Variants in ZC3H7B observed in about 807,000 individuals in gnomAD.
ZC3H7B encodes the protein zinc finger CCCH-type containing 7B.
Under a neutral mutation model 116.0 loss-of-function variants are expected in ZC3H7B, and 35 were observed. The observed-to-expected ratio is 0.30, with a 90% CI of 0.23 to 0.40. The LOEUF (loss-of-function observed/expected upper bound fraction) is 0.40, where lower values mean the gene tolerates loss of function less well. ZC3H7B is among the 10% of genes least tolerant of loss of function. ZC3H7B has a pLI of 1.00. For missense variants in ZC3H7B, 1,011 were observed against 1,321.5 expected (o/e 0.77, Z 3.64); for synonymous variants, 502 against 545.6 (o/e 0.92, Z 1.11).
Position 41,327,449 on chromosome 22 carries a change from C to A in ZC3H7B, c.444+85C>A. The A allele has an allele frequency of 6.5e-7, 1 of 1,530,302 alleles. No individual in the cohort carries two copies. Among genetic ancestry groups the A allele is most frequent in the South Asian group, 1.2e-5 (1 of 83,760 alleles). 94.8% of individuals were successfully genotyped at this position (1,530,302 alleles called of 1,614,324 possible). ...GGCCCTCACTTGGGCCCAGCCACCA[C>A]ATCCTTCTGTGTCTCACTTCCTCCC... is the stretch of plus-strand genomic sequence containing the variant. On this transcript the variant is annotated intron_variant, in intron 5 of 22. Coordinates refer to ENST00000352645, the MANE Select transcript of ZC3H7B (RefSeq NM_017590.6). This position sits in a 1 kb window ranked among gnomAD's most constrained non-coding sequence, Gnocchi z 4.5.
chr22:41,303,061 G>A (rs2035993578), intron 1 of ZC3H7B, among the ~76,000 whole-genome samples: 2 of 152,204 alleles, frequency 1.3e-5, no homozygotes, highest in South Asian at 4.1e-4. Context: ...ACAAAATGCT[G>A]GCAGAATCTT....
At chr22:41,319,568 TAAAAA>T (rs71202700) in intron 1 of ZC3H7B, among the ~76,000 whole-genome samples, 5 of 65,676 alleles carry the variant, frequency 7.6e-5, no homozygotes, top group South Asian at 4.4e-4. Flanking sequence ...AGTCTCCGGC[TAAAAA>T]AAAAAAAAAA....
chr22:41,325,866 G>A lies in ZC3H7B; in HGVS notation c.233G>A (p.Arg78Gln), dbSNP rs202146852. The part of the protein sequence containing the change: ...YAASDQVALP[R>Q]ELLCKLHVNR... Reference sequence around the variant, plus strand: ...GCCTCTGACCAGGTGGCCCTGCCCCGGGAGCTGCTGTGCAAGCTGCATGTC... The same window carrying A: ...GCCTCTGACCAGGTGGCCCTGCCCCAGGAGCTGCTGTGCAAGCTGCATGTC... Residue 78 changes from arginine (R) to glutamine (Q), a missense_variant, in exon 4 of 23, where the codon CGG becomes CAG. Physicochemically the swap from Arg to Gln is conservative, Grantham distance 43. Around this residue, in one of 5 missense-constraint regions of ZC3H7B, gnomAD observed 322 missense variants for 443.9 expected, o/e 0.73. Coordinates refer to ENST00000352645, the MANE Select transcript of ZC3H7B (RefSeq NM_017590.6). The A allele has an allele frequency of 1.7e-5, 27 of 1,611,798 alleles. No individual in the cohort carries two copies. The highest frequency in any genetic ancestry group is 3.9e-4 in the Middle Eastern group (2 of 5,152).
At chr22:41,318,645 A>G (rs1300321863) in intron 1 of ZC3H7B, among the ~76,000 whole-genome samples, 1 of 151,752 alleles carries the variant, frequency 6.6e-6, no homozygotes, top group African/African-American at 2.4e-5. Flanking sequence ...GCTGCTTGGG[A>G]GGCTGAAGTG....
chr22:41,349,560 G>A lies in ZC3H7B; in HGVS notation c.1948+259G>A. The stretch of plus-strand genomic sequence containing the variant: ...TTTTCCCTTCGTAGGCACCGTCCAG[G>A]GAGCACGGAGAGGGGAGAGGAGCAC... On this transcript the variant is annotated intron_variant, in intron 16 of 22. Transcript: ENST00000352645. This position sits in a 1 kb window ranked among gnomAD's most constrained non-coding sequence, Gnocchi z 4.9. 6.6e-6 allele frequency among the ~76,000 whole-genome samples: 1 copy of A among 152,154 alleles called. No homozygotes were observed. The highest frequency in any genetic ancestry group is 2.1e-4 in the South Asian group (1 of 4,838).
chr22:41,325,530 C>T, intron 2 of ZC3H7B, 34 bp from the exon 3 acceptor site: 2 of 1,599,556 alleles, frequency 1.3e-6, no homozygotes, highest in Non-Finnish European at 1.7e-6. Context: ...GACCGCCGGG[C>T]TCACCCAGGC....
intron 1 of ZC3H7B, among the ~76,000 whole-genome samples, chr22:41,317,643 A>G (rs1011710205): frequency 4.6e-5 from 7 of 152,040 alleles, no homozygotes; most frequent in African/African-American, 1.7e-4. Flanking sequence ...AATAAAATAC[A>G]AAAATTAGCC....
Position 41,342,607 on chromosome 22 carries a change from C to A in ZC3H7B, c.1276C>A (p.Gln426Lys). 6.2e-7 allele frequency: 1 copy of A among 1,612,822 alleles called. No individual in the cohort carries two copies. Among genetic ancestry groups the A allele is most frequent in the Non-Finnish European group, 8.5e-7 (1 of 1,179,866 alleles). Reference sequence around the variant, plus strand: ...CACCCACGAGTTCAAGCAGGCCTGCCAGCTCTGCTACCCCAAGACAGGTAA... The same window carrying A: ...CACCCACGAGTTCAAGCAGGCCTGCAAGCTCTGCTACCCCAAGACAGGTAA... Reference protein sequence around the residue: ...AATHEFKQACQLCYPKTGPRA... With the variant: ...AATHEFKQACKLCYPKTGPRA... Residue 426 changes from glutamine to lysine, a missense_variant, in exon 12 of 23, where the codon CAG becomes AAG. Coordinates refer to ENST00000352645, the MANE Select transcript of ZC3H7B (RefSeq NM_017590.6).
At position 41,338,209 on chromosome 22, in the gene ZC3H7B, C is replaced by G. The variant is rs1487063364; in HGVS notation, c.583-104C>G. 7.9e-7 allele frequency: 1 copy of G among 1,260,640 alleles called. No homozygotes were observed. Among genetic ancestry groups the G allele is most frequent in the Admixed American group, 2.2e-5 (1 of 46,030 alleles). 78.1% of individuals were successfully genotyped at this position (1,260,640 alleles called of 1,614,324 possible). ...ATCTCCCCTGGCACTCTAAGTGCTCCTCGGTGCTGGGTCAACAGCATAGTC... is the reference window on the plus strand; with the variant it reads ...ATCTCCCCTGGCACTCTAAGTGCTCGTCGGTGCTGGGTCAACAGCATAGTC... On this transcript the variant is annotated intron_variant, in intron 7 of 22. Coordinates refer to ENST00000352645, the MANE Select transcript of ZC3H7B (RefSeq NM_017590.6). The surrounding 1 kb of genome is among the most constrained non-coding windows in gnomAD (Gnocchi z 4.5).
chr22:41,346,747 C>T lies in ZC3H7B; in HGVS notation c.1665+539C>T, dbSNP rs140054283. The stretch of plus-strand genomic sequence containing the variant: ...AGGAGAATCACTTGAACTGGGGAGG[C>T]AAAGGTTGCAGTGAGCCGAGATCGC... On this transcript the variant is annotated intron_variant, in intron 14 of 22. Transcript: ENST00000352645. The surrounding 1 kb of genome is among the most constrained non-coding windows in gnomAD (Gnocchi z 5.3). Among the ~76,000 whole-genome samples, 8 of 152,056 alleles carry T rather than the reference C, an allele frequency of 5.3e-5. No individual in the cohort carries two copies. Among genetic ancestry groups the T allele is most frequent in the African/African-American group, 1.9e-4 (8 of 41,462 alleles).
At chr22:41,314,449 G>T (rs917864237) in intron 1 of ZC3H7B, among the ~76,000 whole-genome samples, 1 of 151,672 alleles carries the variant, frequency 6.6e-6, no homozygotes, top group Non-Finnish European at 1.5e-5. Flanking sequence ...GAGCCACTGC[G>T]CCCAACCTAT....
At chr22:41,329,295 G>C (rs1194847536) in intron 5 of ZC3H7B, among the ~76,000 whole-genome samples, 1 of 133,212 alleles carries the variant, frequency 7.5e-6, no homozygotes, top group Non-Finnish European at 1.6e-5. Flanking sequence ...GTCTTGCTCT[G>C]TCGTCCAGGC....
In ZC3H7B at chr22:41,302,373, G is replaced by A. The variant is rs2035979178; in HGVS notation, c.-7+601G>A. On this transcript the variant is annotated intron_variant, in intron 1 of 22. Coordinates refer to ENST00000352645, the MANE Select transcript of ZC3H7B (RefSeq NM_017590.6). The surrounding 1 kb of genome is among the most constrained non-coding windows in gnomAD (Gnocchi z 5.7). ...CTGCAGCCGGGCCCGCGGGAAGGGG[G>A]CGGCAGGAAAGGGGGGCGCGGTCTG... 6.6e-6 allele frequency among the ~76,000 whole-genome samples: 1 copy of A among 152,070 alleles called. No homozygotes were observed. Among genetic ancestry groups the A allele is most frequent in the Non-Finnish European group, 1.5e-5 (1 of 67,972 alleles).
rs913549932 is a variant in ZC3H7B at position 41,341,137 on chromosome 22, A to G, written c.1188A>G (p.Pro396=). The change falls in exon 11 of 23, where the codon CCA becomes CCG. Residue 396 remains proline (P), a synonymous_variant. Coordinates refer to ENST00000352645, the MANE Select transcript of ZC3H7B (RefSeq NM_017590.6). The part of the protein sequence containing the change: ...DHRPPSGAQK[P]APSPEPCMPN... ...GTCCCCCTAGCGGTGCTCAGAAACC[A>G]GCCCCCTCGGTGAGTGACTTGAGTG... The G allele has an allele frequency of 2.5e-6, 4 of 1,613,840 alleles. No homozygotes were observed. The highest frequency in any genetic ancestry group is 4.5e-5 in the East Asian group (2 of 44,874).
chr22:41,318,528 CAAA>C (rs61267547), intron 1 of ZC3H7B, among the ~76,000 whole-genome samples: 1 of 92,356 alleles, frequency 1.1e-5, no homozygotes. Flanking sequence ...GACTCCGCCT[CAAA>C]AAAAAAAAAA....
chr22:41,318,540 A>AG (rs1269239604), intron 1 of ZC3H7B, among the ~76,000 whole-genome samples: 46 of 150,726 alleles, frequency 3.1e-4, no homozygotes, highest in African/African-American at 1.1e-3. Flanking sequence ...AAAAAAAAAA[A>AG]AAAAAAAGAC....
At chr22:41,309,984 T>A (rs903224691) in intron 1 of ZC3H7B, among the ~76,000 whole-genome samples, 1 of 151,748 alleles carries the variant, frequency 6.6e-6, no homozygotes. Flanking sequence ...GGTGAGCGGA[T>A]CACAAGTTCA....
intron 1 of ZC3H7B, among the ~76,000 whole-genome samples, chr22:41,309,489 A>T (rs1022181457): frequency 2.7e-5 from 4 of 150,130 alleles, no homozygotes; most frequent in Non-Finnish European, 5.9e-5. Context: ...TAATTTTTGT[A>T]TTTTTATTAG....
At chr22:41,305,244 C>T (rs1341706561) in intron 1 of ZC3H7B, among the ~76,000 whole-genome samples, 1 of 151,814 alleles carries the variant, frequency 6.6e-6, no homozygotes, top group African/African-American at 2.4e-5. Flanking sequence ...ACTTGGGAGG[C>T]TGAGGCAGGA....
Sources: gnomAD v4.1 joint callset for allele counts (sites outside exome capture counted in the v4.1 genomes callset) on GRCh38, gnomAD v4.1.1 for gene constraint, gnomAD v4.1.1 regional missense constraint, Gnocchi (gnomAD v3.1) non-coding constraint, MANE v1.5 for transcripts, NCBI Gene and HGNC (gene_info 2026-07-23, HGNC 2026-07-21) for gene names.